NBPF9: variants seen among roughly 807,000 people sequenced by gnomAD.
NBPF9 encodes the protein NBPF member 9.
Under a neutral mutation model 97.8 loss-of-function variants are expected in NBPF9, and 91 were observed. That is an observed-to-expected ratio of 0.93 (90% CI 0.79 to 1.11). The LOEUF (loss-of-function observed/expected upper bound fraction) is 1.11. Ranked by LOEUF, NBPF9 falls within the 50% of genes least tolerant of loss-of-function variation. NBPF9 has a pLI of 0.00. For synonymous variants in NBPF9, 334 were observed against 359.5 expected (o/e 0.93, Z 0.80); for missense variants, 992 against 939.5 (o/e 1.06, Z -0.73).
downstream of NBPF9, among the ~76,000 whole-genome samples, chr1:149,052,422 T>C (rs1407482843): frequency 6.6e-6 from 1 of 151,186 alleles, no homozygotes; most frequent in East Asian, 2.0e-4. Flanking sequence ...CCAAACATGA[T>C]TCTGGTTGTG....
intron 20 of NBPF9, 78 bp downstream of exon 20, chr1:149,063,555 A>G (rs1347803517): frequency 1.4e-5 from 10 of 691,686 alleles, no homozygotes; most frequent in African/African-American, 7.6e-5. Context: ...CAGCTCAGTA[A>G]CGGCCACTTG....
At chr1:149,068,295 A>C (rs1479155875) in intron 17 of NBPF9, among the ~76,000 whole-genome samples, 1 of 150,876 alleles carries the variant, frequency 6.6e-6, no homozygotes, top group Non-Finnish European at 1.5e-5. Context: ...TTAAATGTAA[A>C]TGGGCTAAAT....
intron 11 of NBPF9, among the ~76,000 whole-genome samples, chr1:149,076,080 C>A (rs1445289411): frequency 6.6e-6 from 1 of 152,134 alleles, no homozygotes; most frequent in East Asian, 1.9e-4. Context: ...CACTTCTACA[C>A]TTTTCTTGCT....
chr1:149,060,968 G>A, intron 23 of NBPF9: 1 of 415,626 alleles, frequency 2.4e-6, no homozygotes, highest in Non-Finnish European at 4.3e-6. Context: ...TTGTCCAGAT[G>A]ACACACTGAT....
rs1460743388 is a variant in NBPF9 at position 149,073,933 on chromosome 1, T to A, written c.989-63A>T. On this transcript the variant is annotated intron_variant, in intron 12 of 29. Transcript: ENST00000584027. ...TGGACATGCTGCTGTGGTCACTGCCTACAGGGCAGGAGCCAGGTCCATCCC... is the reference window on the plus strand; with the variant it reads ...TGGACATGCTGCTGTGGTCACTGCCAACAGGGCAGGAGCCAGGTCCATCCC... 2.6e-6 allele frequency: 3 copies of A among 1,156,682 alleles called. 1 individual carries two copies. Among genetic ancestry groups the A allele is most frequent in the Non-Finnish European group, 3.8e-6 (3 of 781,552 alleles). 71.7% of individuals were successfully genotyped at this position (1,156,682 alleles called of 1,614,324 possible). A position where few individuals can be genotyped will look rare whatever the true frequency, so the allele number is the denominator to read the frequency against.
intron 3 of NBPF9, among the ~76,000 whole-genome samples, chr1:149,099,758 G>C (rs1373425300): frequency 6.6e-6 from 1 of 152,032 alleles, no homozygotes; most frequent in Non-Finnish European, 1.5e-5. Context: ...GCCAAGGTGG[G>C]AGGATCATTT....
intron 5 of NBPF9, among the ~76,000 whole-genome samples, chr1:149,085,429 G>C (rs372473111): frequency 1.3e-5 from 2 of 151,950 alleles, no homozygotes; most frequent in Admixed American, 6.6e-5. Context: ...CTTCAATATC[G>C]ACTTGCTTAT....
chr1:149,071,290 C>T, intron 15 of NBPF9, 151 bp from the exon 16 acceptor site: 2 of 1,375,616 alleles, frequency 1.5e-6, no homozygotes, highest in Non-Finnish European at 2.1e-6. Context: ...AGGTAATCCT[C>T]TTCTCTCTGC....
intron 14 of NBPF9, among the ~76,000 whole-genome samples, chr1:149,072,086 C>G (rs2079457075): frequency 6.7e-6 from 1 of 148,984 alleles, no homozygotes; most frequent in Non-Finnish European, 1.5e-5. Context: ...CTCTATGCAT[C>G]AGAAGATTTC....
At chr1:149,053,879 G>GGCAC (rs2078043802), downstream of NBPF9, 1 of 145,020 alleles carries the variant, frequency 6.9e-6, no homozygotes, top group Non-Finnish European at 1.5e-5. Context: ...AAATGCCAAA[G>GGCAC]GCACACACAG....
At chr1:149,059,702 G>A in exon 25 of NBPF9, 1 of 566,242 alleles carries the variant, frequency 1.8e-6, no homozygotes, top group East Asian at 2.7e-5. Flanking sequence ...AAAGTCACCT[G>A]GGGCATGGTG....
chr1:149,073,665 C>T (rs1223635225), intron 13 of NBPF9, 103 bp downstream of exon 13: 4 of 840,600 alleles, frequency 4.8e-6, no homozygotes, highest in East Asian at 2.5e-5. Context: ...CAATTCCTGC[C>T]CTTCCCCTGG....
exon 23 of NBPF9, chr1:149,061,363 C>G: frequency 5.1e-6 from 2 of 393,256 alleles, no homozygotes. Flanking sequence ...TCTTCTTCCT[C>G]TTCTTGGTCC....
chr1:149,053,922 A>ACT (rs2078049074), downstream of NBPF9: 1 of 146,620 alleles, frequency 6.8e-6, no homozygotes, highest in African/African-American at 2.6e-5. Context: ...ACAGACACAC[A>ACT]CACACTCACA....
chr1:149,062,124 T>A (rs2152871362), exon 22 of NBPF9: 1 of 1,140,262 alleles, frequency 8.8e-7, no homozygotes, highest in East Asian at 2.5e-5. Context: ...CAAGGTACTG[T>A]TCCTCCAATG....
At chr1:149,070,619 G>A (rs1241238214) in intron 16 of NBPF9, among the ~76,000 whole-genome samples, 1 of 150,966 alleles carries the variant, frequency 6.6e-6, no homozygotes, top group Admixed American at 6.6e-5. Flanking sequence ...CATTGTTCAG[G>A]GACAGATGAC....
intron 4 of NBPF9, among the ~76,000 whole-genome samples, chr1:149,095,242 G>T (rs1575877602): frequency 6.6e-6 from 1 of 151,106 alleles, no homozygotes; most frequent in African/African-American, 2.4e-5. Context: ...CCAACTAGTG[G>T]TGCTAGAACA....
chr1:149,079,711 G>GA (rs2080239885), intron 8 of NBPF9, among the ~76,000 whole-genome samples: 1 of 151,564 alleles, frequency 6.6e-6, no homozygotes, highest in African/African-American at 2.4e-5. Flanking sequence ...CAGTCAGGAG[G>GA]TGATTCTCAC....
intron 4 of NBPF9, among the ~76,000 whole-genome samples, chr1:149,097,775 C>T (rs1189206841): frequency 6.6e-6 from 1 of 152,112 alleles, no homozygotes; most frequent in African/African-American, 2.4e-5. Flanking sequence ...ATAGTCACCC[C>T]ATGAATGCTC....
Sources: gnomAD v4.1 joint callset for allele counts (sites outside exome capture counted in the v4.1 genomes callset) on GRCh38, gnomAD v4.1.1 for gene constraint, MANE v1.5 for transcripts, NCBI Gene and HGNC (gene_info 2026-07-23, HGNC 2026-07-21) for gene names.